The following ARPIN variants were observed in gnomAD, a reference collection of about 807,000 sequenced individuals.
ARPIN encodes actin related protein 2/3 complex inhibitor, also known as UPF0552 protein C15orf38.
A neutral mutation model predicts 25.9 loss-of-function variants in ARPIN; 23 were observed. The ratio of observed to expected loss-of-function variants is 0.89; its 90% confidence interval spans 0.64 to 1.26. The LOEUF is 1.26. Ranked by LOEUF, ARPIN falls within the 50% of genes most tolerant of loss-of-function variation. The pLI is 0.00. For missense variants in ARPIN, 333 were observed against 312.2 expected (o/e 1.07, Z -0.50); for synonymous variants, 126 against 131.4 (o/e 0.96, Z 0.28).
intron 3 of ARPIN, among the ~76,000 whole-genome samples, chr15:89,905,813 T>C (rs907157155): frequency 6.6e-5 from 10 of 152,214 alleles, no homozygotes; most frequent in African/African-American, 2.2e-4. Context: ...CCTGGGTAAC[T>C]GGGTCCACTT....
chr15:89,912,662 A>AGGGG, intron 1 of ARPIN, 82 bp downstream of exon 1: 9 of 661,658 alleles, frequency 1.4e-5, no homozygotes, highest in Non-Finnish European at 1.4e-5. Flanking sequence ...CCCCACCCGC[A>AGGGG]TCCCACCCCC....
At chr15:89,910,648 T>G in intron 2 of ARPIN, 96 bp downstream of exon 2, 1 of 1,499,872 alleles carries the variant, frequency 6.7e-7, no homozygotes, top group Non-Finnish European at 9.2e-7. Flanking sequence ...GAATCCCAAC[T>G]CATGGCACTG....
intron 2 of ARPIN, 65 bp downstream of exon 2, chr15:89,910,679 A>G: frequency 6.2e-7 from 1 of 1,603,944 alleles, no homozygotes; most frequent in South Asian, 1.1e-5. Flanking sequence ...GCACAAGGAG[A>G]TGCCACAGTG....
chr15:89,906,884 G>A (rs1897128958), intron 3 of ARPIN, among the ~76,000 whole-genome samples: 1 of 151,834 alleles, frequency 6.6e-6, no homozygotes, highest in Non-Finnish European at 1.5e-5. Flanking sequence ...GAGCCTGGGA[G>A]GCGGAGGTTG....
At position 89,903,329 on chromosome 15, in the gene ARPIN, C is replaced by T. The variant is rs973114316; in HGVS notation, c.559G>A (p.Gly187Ser). The change falls in exon 5 of 6, where the codon GGT becomes AGT. Residue 187 changes from glycine to serine, a missense_variant. By Grantham distance (56) the Gly-to-Ser change is moderately conservative (BLOSUM62 0). Transcript: ENST00000357484. Reference protein sequence around the residue: ...AGTVTKCNFTGDGKTGASWTD... With the variant: ...AGTVTKCNFTSDGKTGASWTD... Reference sequence around the variant, plus strand: ...CAGGATGCCCCTGTCTTTCCATCACCAGTGAAATTACACTTGGTCACTGTT... The same window carrying T: ...CAGGATGCCCCTGTCTTTCCATCACTAGTGAAATTACACTTGGTCACTGTT... The T allele has an allele frequency of 6.2e-7, 1 of 1,614,100 alleles. No homozygotes were observed. Among genetic ancestry groups the T allele is most frequent in the African/African-American group, 1.3e-5 (1 of 74,916 alleles).
At chr15:89,912,662 A>AGG (rs2141930668) in intron 1 of ARPIN, 82 bp downstream of exon 1, 1 of 661,658 alleles carries the variant, frequency 1.5e-6, no homozygotes, top group Non-Finnish European at 1.9e-6. Context: ...CCCCACCCGC[A>AGG]TCCCACCCCC....
At chr15:89,902,990 G>C in intron 5 of ARPIN, 1 of 1,431,958 alleles carries the variant, frequency 7.0e-7, no homozygotes, top group Non-Finnish European at 9.1e-7. Context: ...GAATCTTTGG[G>C]GAATAGTTAG....
At position 89,896,717 on chromosome 15, in the gene ARPIN, G is replaced by T. The variant is rs1158970793; in HGVS notation, c.*5078C>A. 6.6e-6 allele frequency: 1 copy of T among 152,042 alleles called. No homozygotes were observed. Among genetic ancestry groups the T allele is most frequent in the Non-Finnish European group, 1.5e-5 (1 of 68,000 alleles). 9.4% of individuals were successfully genotyped at this position (152,042 alleles called of 1,614,324 possible). On this transcript the variant is annotated 3_prime_UTR_variant, in exon 6 of 6. Coordinates refer to ENST00000357484, the MANE Select transcript of ARPIN (RefSeq NM_182616.4). ...GATAACACTCCCCATCTCCCCAGTAGATAAATGGACGAAAGAACGAATAAC... is the reference window on the plus strand; with the variant it reads ...GATAACACTCCCCATCTCCCCAGTATATAAATGGACGAAAGAACGAATAAC...
Position 89,912,759 on chromosome 15 carries a change from G to T in ARPIN, c.77C>A (p.Pro26His). The change falls in exon 1 of 6, where the codon CCC (proline) becomes CAC (histidine). Residue 26 changes from proline (P) to histidine (H), a missense_variant. Pro to His is a moderately conservative substitution (Grantham distance 77, BLOSUM62 -2). Transcript: ENST00000357484. ...CCAGGCCTACCCCTGGTGGGCGGCG[G>T]GGTCCCAGGCCCCTGGCAGCCGGAC... ...QSVRLPGAWD[P>H]AAHQGGNGVL... 6.7e-7 allele frequency: 1 copy of T among 1,486,934 alleles called. No individual in the cohort carries two copies. The highest frequency in any genetic ancestry group is 8.9e-7 in the Non-Finnish European group (1 of 1,123,190). The allele number at this position is 1,486,934 out of a possible 1,614,324, so 92.1% of individuals were successfully genotyped here.
chr15:89,908,164 C>T, intron 3 of ARPIN, 116 bp downstream of exon 3: 2 of 1,511,710 alleles, frequency 1.3e-6, no homozygotes, highest in South Asian at 1.3e-5. Context: ...ACATACAGGG[C>T]TTCAACATCA....
intron 1 of ARPIN, among the ~76,000 whole-genome samples, chr15:89,911,359 C>A (rs1897220332): frequency 6.6e-6 from 1 of 152,064 alleles, no homozygotes; most frequent in Admixed American, 6.6e-5. Flanking sequence ...GGTGAAGAAA[C>A]CAAAACTCAG....
At chr15:89,912,275 C>T in intron 1 of ARPIN, 1 of 993,510 alleles carries the variant, frequency 1.0e-6, no homozygotes, top group Non-Finnish European at 1.2e-6. Flanking sequence ...CCTGTGACGA[C>T]AGGGCCTGGC....
chr15:89,912,663 T>TGTGGCC, intron 1 of ARPIN, 81 bp downstream of exon 1: 2 of 871,110 alleles, frequency 2.3e-6, no homozygotes, highest in Non-Finnish European at 2.8e-6. Flanking sequence ...CCCACCCGCA[T>TGTGGCC]CCCACCCCCC....
chr15:89,912,365 C>T (rs1897239432), intron 1 of ARPIN: 3 of 1,024,258 alleles, frequency 2.9e-6, no homozygotes, highest in Non-Finnish European at 3.5e-6. Context: ...GGCCACTGTC[C>T]CTTCTGGGGC....
intron 1 of ARPIN, 197 bp downstream of exon 1, chr15:89,912,547 T>G: frequency 7.5e-7 from 1 of 1,331,168 alleles, no homozygotes; most frequent in Non-Finnish European, 9.6e-7. Flanking sequence ...TAAGCCGATC[T>G]GTGTCATGGG....
chr15:89,896,600 T>C lies in ARPIN; in HGVS notation c.*5195A>G, dbSNP rs1203411185. The C allele has an allele frequency of 1.3e-5, 2 of 152,052 alleles. No individual in the cohort carries two copies. The highest frequency in any genetic ancestry group is 2.9e-5 in the Non-Finnish European group (2 of 68,028). 9.4% of individuals were successfully genotyped at this position (152,052 alleles called of 1,614,324 possible). On this transcript the variant is annotated 3_prime_UTR_variant, in exon 6 of 6. Transcript: ENST00000357484. Reference sequence around the variant, plus strand: ...CAAAACATCAACAGATATATAAAGTTTTTTTATAAAAAGAATTATTTAATG... The same window carrying C: ...CAAAACATCAACAGATATATAAAGTCTTTTTATAAAAAGAATTATTTAATG...
chr15:89,902,411 A>T (rs1897037674), intron 5 of ARPIN, among the ~76,000 whole-genome samples: 1 of 152,154 alleles, frequency 6.6e-6, no homozygotes, highest in African/African-American at 2.4e-5. Flanking sequence ...TCCGTCTCAA[A>T]AAAATAAAAT....
In ARPIN at chr15:89,897,456, G is replaced by C. The variant is rs1896947770; in HGVS notation, c.*4339C>G. On this transcript the variant is annotated 3_prime_UTR_variant, in exon 6 of 6. Coordinates refer to ENST00000357484, the MANE Select transcript of ARPIN (RefSeq NM_182616.4). ...GCCAAGATCGCGCCATTGCACTCCA[G>C]CCTGGGCAACAAGAGCAAAACTCCA... The C allele has an allele frequency of 6.6e-6, 1 of 152,416 alleles. No homozygotes were observed. Among genetic ancestry groups the C allele is most frequent in the Non-Finnish European group, 1.5e-5 (1 of 68,228 alleles). The allele number at this position is 152,416 out of a possible 1,614,324, so 9.4% of individuals were successfully genotyped here.
chr15:89,908,233 A>G lies in ARPIN; in HGVS notation c.301+47T>C, dbSNP rs777455395. ...AGGCTCAGAAGAGAAAGGCCGCCAC[A>G]CTGCAGGAGGGCCCTGAGGGAGAGA... On this transcript the variant is annotated intron_variant, in intron 3 of 5. Coordinates refer to ENST00000357484, the MANE Select transcript of ARPIN (RefSeq NM_182616.4). 1.9e-6 allele frequency: 3 copies of G among 1,609,842 alleles called. No individual in the cohort carries two copies. The African/African-American group carries it at 4.0e-5, about 22-fold the overall frequency.
Sources: gnomAD v4.1 joint callset for allele counts (sites outside exome capture counted in the v4.1 genomes callset) on GRCh38, gnomAD v4.1.1 for gene constraint, MANE v1.5 for transcripts, NCBI Gene and HGNC (gene_info 2026-07-23, HGNC 2026-07-21) for gene names.